Variants in RTN4IP1 observed in about 807,000 individuals in gnomAD.
RTN4IP1 encodes the protein reticulon 4 interacting protein 1, also known as NAD(P)H oxidoreductase RTN4IP1, mitochondrial.
Under a neutral mutation model 46.6 loss-of-function variants are expected in RTN4IP1, and 32 were observed. The observed-to-expected ratio is 0.69, with a 90% CI of 0.52 to 0.92. The LOEUF is 0.92. Among genes scored for constraint, RTN4IP1 ranks in the 40% least tolerant of loss-of-function variants. The pLI is 0.00. For missense variants in RTN4IP1, 424 were observed against 485.8 expected (o/e 0.87, Z 1.20); for synonymous variants, 167 against 161.8 (o/e 1.03, Z -0.24).
chr6:106,593,846 G>A lies in RTN4IP1; in HGVS notation c.670-1546C>T, dbSNP rs189874146. On this transcript the variant is annotated intron_variant, in intron 5 of 8. Transcript: ENST00000369063. ...CAGAGACACTTGAGTGTAATGATACGTTGCTTTTCACAGCAAGTCCCAAAT... is the reference window on the plus strand; with the variant it reads ...CAGAGACACTTGAGTGTAATGATACATTGCTTTTCACAGCAAGTCCCAAAT... 1.6e-3 allele frequency among the ~76,000 whole-genome samples: 239 copies of A among 152,176 alleles called. 1 individual carries two copies. Among genetic ancestry groups the A allele is most frequent in the African/African-American group, 5.2e-3 (217 of 41,520 alleles).
At position 106,585,303 on chromosome 6, in the gene RTN4IP1, G is replaced by A. The variant is rs998882503; in HGVS notation, c.991-1883C>T. Among the ~76,000 whole-genome samples, 3 of 152,180 alleles carry A rather than the reference G, an allele frequency of 2.0e-5. No homozygotes were observed. The East Asian group carries it at 5.8e-4, about 29-fold the overall frequency. ...AGCTTAGGCAACACAGCAAGACTCT[G>A]TCTCTACAAAACAAGAAAAAGAAAA... is the stretch of plus-strand genomic sequence containing the variant. On this transcript the variant is annotated intron_variant, in intron 7 of 8. Coordinates refer to ENST00000369063, the MANE Select transcript of RTN4IP1 (RefSeq NM_032730.5).
chr6:106,613,820 T>G (rs1028408400), intron 4 of RTN4IP1, among the ~76,000 whole-genome samples: 1 of 152,176 alleles, frequency 6.6e-6, no homozygotes, highest in Non-Finnish European at 1.5e-5. Flanking sequence ...GGAGGCTTCA[T>G]CTGCATGACA....
chr6:106,619,688 T>G (rs1776438061), intron 3 of RTN4IP1, among the ~76,000 whole-genome samples: 2 of 145,968 alleles, frequency 1.4e-5, no homozygotes, highest in African/African-American at 5.1e-5. Flanking sequence ...CTCGGCTCAC[T>G]GCAAGCTCCG....
chr6:106,617,139 G>C (rs1376460719), intron 4 of RTN4IP1, among the ~76,000 whole-genome samples: 1 of 152,166 alleles, frequency 6.6e-6, no homozygotes, highest in African/African-American at 2.4e-5. Context: ...TTGATCTCAG[G>C]CTTCCCAGCC....
At chr6:106,589,190 A>G (rs1250598418) in intron 6 of RTN4IP1, among the ~76,000 whole-genome samples, 1 of 4,056 alleles carries the variant, frequency 2.5e-4, no homozygotes, top group African/African-American at 8.0e-4. Flanking sequence ...AGGAGGAGGG[A>G]GGAGGAGGAG....
At chr6:106,587,601 A>T in intron 7 of RTN4IP1, 78 bp downstream of exon 7, 1 of 1,360,824 alleles carries the variant, frequency 7.3e-7, no homozygotes, top group Non-Finnish European at 1.0e-6. Flanking sequence ...CCAAGAGAAG[A>T]GAAACTGGCT....
chr6:106,620,520 C>T (rs1377383331), intron 3 of RTN4IP1, among the ~76,000 whole-genome samples: 1 of 152,108 alleles, frequency 6.6e-6, no homozygotes, highest in Non-Finnish European at 1.5e-5. Flanking sequence ...GGTAGGTGCA[C>T]CAACTCCTGC....
intron 6 of RTN4IP1, among the ~76,000 whole-genome samples, chr6:106,590,469 C>T (rs1775627161): frequency 6.6e-6 from 1 of 152,036 alleles, no homozygotes; most frequent in African/African-American, 2.4e-5. Flanking sequence ...GTAATCCCAG[C>T]ACTTTGCAAG....
chr6:106,626,381 C>T (rs1197025210), intron 1 of RTN4IP1, among the ~76,000 whole-genome samples: 1 of 152,162 alleles, frequency 6.6e-6, no homozygotes, highest in African/African-American at 2.4e-5. Context: ...GTAATATTCA[C>T]AAAAGTCATG....
At chr6:106,605,201 C>T (rs566496429) in intron 4 of RTN4IP1, among the ~76,000 whole-genome samples, 40 of 152,136 alleles carry the variant, frequency 2.6e-4, no homozygotes, top group African/African-American at 9.2e-4. Flanking sequence ...ATTGGGAAGC[C>T]GAGGCAGGCA....
At chr6:106,614,031 T>C (rs912348470) in intron 4 of RTN4IP1, among the ~76,000 whole-genome samples, 1 of 152,190 alleles carries the variant, frequency 6.6e-6, no homozygotes, top group Admixed American at 6.5e-5. Flanking sequence ...CTTCCAAAAA[T>C]ATATAAAAGC....
chr6:106,582,095 T>A (rs930854139), intron 8 of RTN4IP1, among the ~76,000 whole-genome samples: 1 of 152,192 alleles, frequency 6.6e-6, no homozygotes, highest in African/African-American at 2.4e-5. Flanking sequence ...AAAAGACACA[T>A]AAGCCTGGAA....
At position 106,592,936 on chromosome 6, in the gene RTN4IP1, A is replaced by C. The variant is rs539599001; in HGVS notation, c.670-636T>G. ...AAGAGTGAGACTTCATCTCAAAAAAAAAAAAGCCTCAAATTTAGCACTTTC... is the reference window on the plus strand; with the variant it reads ...AAGAGTGAGACTTCATCTCAAAAAACAAAAAGCCTCAAATTTAGCACTTTC... On this transcript the variant is annotated intron_variant, in intron 5 of 8. Transcript: ENST00000369063. Among the ~76,000 whole-genome samples the C allele has an allele frequency of 2.0e-5, 3 of 152,278 alleles. No individual in the cohort carries two copies. The South Asian group carries it at 6.2e-4, about 32-fold the overall frequency.
chr6:106,572,599 T>C (rs538490082), intron 8 of RTN4IP1, among the ~76,000 whole-genome samples: 1 of 152,292 alleles, frequency 6.6e-6, no homozygotes, highest in East Asian at 1.9e-4. Flanking sequence ...TTGCAACGTG[T>C]TGTCCCTTTC....
At chr6:106,602,118 A>C (rs1775963697) in intron 5 of RTN4IP1, among the ~76,000 whole-genome samples, 1 of 152,154 alleles carries the variant, frequency 6.6e-6, no homozygotes, top group Non-Finnish European at 1.5e-5. Context: ...ATTGATCTAT[A>C]AGTTCACCCT....
At chr6:106,629,697 C>T (rs373031772), upstream of RTN4IP1, 81 of 1,606,450 alleles carry the variant, frequency 5.0e-5, no homozygotes, top group Middle Eastern at 1.6e-4. Flanking sequence ...GGGCCGGAGC[C>T]TCCGAGAAGT....
intron 5 of RTN4IP1, among the ~76,000 whole-genome samples, chr6:106,595,162 A>G (rs1484322400): frequency 6.6e-6 from 1 of 152,132 alleles, no homozygotes; most frequent in African/African-American, 2.4e-5. Flanking sequence ...TAATTTATCT[A>G]TGGAAGAATC....
intron 8 of RTN4IP1, chr6:106,572,464 C>A: frequency 5.2e-6 from 1 of 193,848 alleles, no homozygotes; most frequent in South Asian, 1.2e-4. Context: ...GCTCTACCTG[C>A]CATTTTCTCC....
At chr6:106,576,941 T>C (rs573255085) in intron 8 of RTN4IP1, among the ~76,000 whole-genome samples, 1 of 152,304 alleles carries the variant, frequency 6.6e-6, no homozygotes, top group Admixed American at 6.5e-5. Flanking sequence ...CAGTAAGTGT[T>C]CTGAATTGAA....
Sources: gnomAD v4.1 joint callset for allele counts (sites outside exome capture counted in the v4.1 genomes callset) on GRCh38, gnomAD v4.1.1 for gene constraint, MANE v1.5 for transcripts, NCBI Gene and HGNC (gene_info 2026-07-23, HGNC 2026-07-21) for gene names.